COL4A1: variants seen among roughly 807,000 people sequenced by gnomAD.
The protein encoded by COL4A1 is collagen alpha-1(IV) chain.
Under a neutral mutation model 216.6 loss-of-function variants are expected in COL4A1, and 40 were observed. The ratio of observed to expected loss-of-function variants is 0.18; its 90% CI spans 0.14 to 0.24. The LOEUF (loss-of-function observed/expected upper bound fraction) is 0.24. Ranked by LOEUF, COL4A1 falls within the 10% of genes least tolerant of loss-of-function variation. The pLI, the probability that COL4A1 is intolerant of heterozygous loss-of-function variation, is 1.00. For synonymous variants in COL4A1, 839 were observed against 810.7 expected (o/e 1.03, Z -0.59); for missense variants, 1,628 against 2,196.8 (o/e 0.74, Z 5.18).
chr13:110,244,486 G>C (rs1881699671), intron 1 of COL4A1, among the ~76,000 whole-genome samples: 1 of 152,128 alleles, frequency 6.6e-6, no homozygotes, highest in South Asian at 2.1e-4. Flanking sequence ...ACCACTCAGA[G>C]GCATCCAAAG....
intron 28 of COL4A1, among the ~76,000 whole-genome samples, chr13:110,181,649 T>C (rs1048126658): frequency 2.6e-5 from 4 of 152,144 alleles, no homozygotes; most frequent in African/African-American, 9.7e-5. Flanking sequence ...TTCAAACTTT[T>C]CTTTCCCATC....
At chr13:110,156,415 T>C (rs1316121206) in intron 49 of COL4A1, among the ~76,000 whole-genome samples, 1 of 152,240 alleles carries the variant, frequency 6.6e-6, no homozygotes, top group Non-Finnish European at 1.5e-5. Flanking sequence ...AACTTAAGGC[T>C]GAATGTCCAC....
chr13:110,150,889 A>G (rs1246087222), intron 51 of COL4A1, among the ~76,000 whole-genome samples: 1 of 152,236 alleles, frequency 6.6e-6, no homozygotes, highest in Admixed American at 6.5e-5. Flanking sequence ...TATTCATTAA[A>G]TATTTGTGGA....
In COL4A1 at chr13:110,149,157, G is replaced by C. The variant is rs905829018; in HGVS notation, c.*1206C>G. 3 of 154,762 alleles carry C rather than the reference G, an allele frequency of 1.9e-5. No homozygotes were observed. In the East Asian group the frequency reaches 5.8e-4, roughly 30 times the overall value. 9.6% of individuals were successfully genotyped at this position (154,762 alleles called of 1,614,324 possible). On this transcript the variant is annotated 3_prime_UTR_variant, in exon 52 of 52. Transcript: ENST00000375820. ...GCCTTAGTAGTCTTAGAAATGTTTT[G>C]GAGACTTTTAGTGAAATGTCATTTC... is the stretch of plus-strand genomic sequence containing the variant.
At chr13:110,230,773 C>T (rs772586387) in intron 2 of COL4A1, among the ~76,000 whole-genome samples, 2 of 152,240 alleles carry the variant, frequency 1.3e-5, no homozygotes, top group African/African-American at 2.4e-5. Context: ...GGCAGGACAC[C>T]TGTGGAGCCA....
At chr13:110,192,506 C>A (rs114943433) in intron 23 of COL4A1, among the ~76,000 whole-genome samples, 187 of 152,292 alleles carry the variant, frequency 1.2e-3, no homozygotes, top group African/African-American at 4.4e-3. Context: ...TCCAGCACCC[C>A]ACACCTGCCC....
chr13:110,178,885 C>T (rs1309714542), intron 31 of COL4A1, 38 bp downstream of exon 31: 2 of 1,527,282 alleles, frequency 1.3e-6, no homozygotes, highest in African/African-American at 1.4e-5. Context: ...GAAAAGCATG[C>T]TTTTGGGAAC....
Position 110,162,457 on chromosome 13 carries a change from A to T in COL4A1, c.4250-15T>A, listed in dbSNP as rs1877130979. Reference sequence around the variant, plus strand: ...TCCTCTTGGACCTGGAAGATAGGAGACAAATTAGTTTCCCTAATTACAAAC... The same window carrying T: ...TCCTCTTGGACCTGGAAGATAGGAGTCAAATTAGTTTCCCTAATTACAAAC... On this transcript the variant is annotated splice_polypyrimidine_tract_variant and intron_variant, in intron 47 of 51. Coordinates refer to ENST00000375820, the MANE Select transcript of COL4A1 (RefSeq NM_001845.6). 6.3e-7 allele frequency: 1 copy of T among 1,593,932 alleles called. No homozygotes were observed. The highest frequency in any genetic ancestry group is 8.6e-7 in the Non-Finnish European group (1 of 1,162,210).
chr13:110,266,670 T>A (rs1017594046), intron 1 of COL4A1, among the ~76,000 whole-genome samples: 1 of 152,180 alleles, frequency 6.6e-6, no homozygotes, highest in Non-Finnish European at 1.5e-5. Flanking sequence ...AATGTTACAA[T>A]TCCTGAACTT....
Position 110,162,206 on chromosome 13 carries a change from T to C in COL4A1, c.4462+24A>G, listed in dbSNP as rs200850535. ...ACTCAACACACCTACACTGAATGAA[T>C]GCATGGATCTGCAGGCTTCTTACCC... On this transcript the variant is annotated intron_variant, in intron 48 of 51. Transcript: ENST00000375820. The C allele has an allele frequency of 5.0e-6, 8 of 1,603,388 alleles. 1 individual carries two copies. The highest frequency in any genetic ancestry group is 1.7e-4 in the Middle Eastern group (1 of 6,044).
chr13:110,182,866 G>T, intron 28 of COL4A1, 127 bp downstream of exon 28: 1 of 823,336 alleles, frequency 1.2e-6, no homozygotes, highest in Non-Finnish European at 2.0e-6. Flanking sequence ...AGCACTGCTT[G>T]GGCTCTTCTG....
intron 1 of COL4A1, among the ~76,000 whole-genome samples, chr13:110,296,472 G>A (rs865938022): frequency 9.8e-5 from 15 of 152,306 alleles, no homozygotes; most frequent in Middle Eastern, 3.4e-3. Context: ...GTATAATCAC[G>A]AAATCAATAG....
chr13:110,179,945 T>A (rs1480773820), intron 29 of COL4A1, among the ~76,000 whole-genome samples: 2 of 152,080 alleles, frequency 1.3e-5, no homozygotes, highest in African/African-American at 2.4e-5. Context: ...ATACAGATGA[T>A]TAAAATAAAG....
chr13:110,270,375 G>A (rs681777), intron 1 of COL4A1, among the ~76,000 whole-genome samples: 1 of 152,108 alleles, frequency 6.6e-6, no homozygotes, highest in South Asian at 2.1e-4. Flanking sequence ...TTATTCAAAT[G>A]ATCAAAACAA....
Position 110,258,736 on chromosome 13 carries a change from G to A in COL4A1, c.85-16002C>T, listed in dbSNP as rs530928267. 3.3e-5 allele frequency among the ~76,000 whole-genome samples: 5 copies of A among 152,050 alleles called. No homozygotes were observed. The South Asian group carries it at 8.3e-4, about 25-fold the overall frequency. ...TGGTTGTTGCTTTGACTTCAATTTC[G>A]GTTTAACTAGAGCTCTTGGTAGTCT... On this transcript the variant is annotated intron_variant, in intron 1 of 51. Transcript: ENST00000375820.
chr13:110,233,319 C>A (rs1881151980), intron 2 of COL4A1, among the ~76,000 whole-genome samples: 1 of 152,040 alleles, frequency 6.6e-6, no homozygotes, highest in Non-Finnish European at 1.5e-5. Context: ...AAAATCTTGG[C>A]ATTGCAAACG....
At chr13:110,291,697 T>G (rs1162835801) in intron 1 of COL4A1, among the ~76,000 whole-genome samples, 1 of 152,234 alleles carries the variant, frequency 6.6e-6, no homozygotes, top group Non-Finnish European at 1.5e-5. Context: ...ACCTCTCCTG[T>G]GACCAGACCC....
At chr13:110,187,420 GCCAC>G in intron 24 of COL4A1, 91 bp from the exon 25 acceptor site, 1 of 1,471,484 alleles carries the variant, frequency 6.8e-7, no homozygotes, top group Non-Finnish European at 9.4e-7. Context: ...GAATCAAGAA[GCCAC>G]CTTCTTGAAA....
chr13:110,200,984 G>A, intron 19 of COL4A1, 95 bp from the exon 20 acceptor site: 1 of 1,380,160 alleles, frequency 7.2e-7, no homozygotes, highest in South Asian at 1.2e-5. Context: ...TTGGTGCATT[G>A]GTAAGTGTCC....
Sources: gnomAD v4.1 joint callset for allele counts (sites outside exome capture counted in the v4.1 genomes callset) on GRCh38, gnomAD v4.1.1 for gene constraint, MANE v1.5 for transcripts, NCBI Gene and HGNC (gene_info 2026-07-23, HGNC 2026-07-21) for gene names.